Variants in SLC35F3 observed in about 807,000 individuals in gnomAD.
The protein encoded by SLC35F3 is solute carrier family 35 member F3.
A neutral mutation model predicts 49.9 loss-of-function variants in SLC35F3; 25 were observed. That is an observed-to-expected ratio of 0.50 (90% CI 0.37 to 0.70). SLC35F3 has a LOEUF of 0.70. SLC35F3 is among the 30% of genes least tolerant of loss of function. The pLI is 0.00. For synonymous variants in SLC35F3, 275 were observed against 265.4 expected (o/e 1.04, Z -0.35); for missense variants, 525 against 639.8 (o/e 0.82, Z 1.94).
At chr1:234,129,261 A>C (rs1038329192) in intron 2 of SLC35F3, among the ~76,000 whole-genome samples, 1 of 152,220 alleles carries the variant, frequency 6.6e-6, no homozygotes, top group Non-Finnish European at 1.5e-5. Context: ...ATCATCAGGG[A>C]AATACAAATT....
At chr1:233,952,155 C>A (rs1253538031) in intron 2 of SLC35F3, among the ~76,000 whole-genome samples, 4 of 151,508 alleles carry the variant, frequency 2.6e-5, no homozygotes, top group Non-Finnish European at 5.9e-5. Context: ...TTTTCTTCTA[C>A]TTCTTTCATG....
chr1:234,147,209 A>G (rs866490275), intron 2 of SLC35F3, among the ~76,000 whole-genome samples: 2 of 147,172 alleles, frequency 1.4e-5, no homozygotes, highest in East Asian at 4.1e-4. Flanking sequence ...GGGAAATTAC[A>G]TAGTTTGCCC....
intron 3 of SLC35F3, among the ~76,000 whole-genome samples, chr1:234,259,687 G>GATA (rs199933955): frequency 8.6e-5 from 13 of 150,720 alleles, no homozygotes; most frequent in Admixed American, 3.3e-4. Flanking sequence ...TAATAATAAT[G>GATA]ATAATAATAA....
At chr1:234,163,246 A>C (rs1666257606) in intron 2 of SLC35F3, among the ~76,000 whole-genome samples, 1 of 152,138 alleles carries the variant, frequency 6.6e-6, no homozygotes, top group African/African-American at 2.4e-5. Flanking sequence ...TACACCTTAG[A>C]TGTTGATGTT....
chr1:234,268,338 G>C (rs1017684273), intron 3 of SLC35F3, among the ~76,000 whole-genome samples: 1 of 83,390 alleles, frequency 1.2e-5, no homozygotes, highest in Non-Finnish European at 2.5e-5. Context: ...GCCTGCAATC[G>C]CACGCACTCG....
At chr1:234,152,277 C>G (rs1326128888) in intron 2 of SLC35F3, among the ~76,000 whole-genome samples, 1 of 149,754 alleles carries the variant, frequency 6.7e-6, no homozygotes, top group Non-Finnish European at 1.5e-5. Flanking sequence ...GATACATGTG[C>G]AGAACGTGCA....
In SLC35F3 at chr1:234,115,915, A is replaced by G. The variant is rs148994095; in HGVS notation, c.284-115502A>G. Among the ~76,000 whole-genome samples the G allele has an allele frequency of 4.0e-3, 608 of 152,246 alleles. 3 individuals are homozygous for G. Among genetic ancestry groups the G allele is most frequent in the African/African-American group, 0.014 (570 of 41,544 alleles). On this transcript the variant is annotated intron_variant, in intron 2 of 7. Coordinates refer to ENST00000366618, the MANE Select transcript of SLC35F3 (RefSeq NM_173508.4). The stretch of plus-strand genomic sequence containing the variant: ...ACCTGCAGGAACAATCTGTGATCCG[A>G]GCTTTTGACAAAAAGGGTCTGGGAA...
rs573659262 is a variant in SLC35F3, at chr1:233,948,440, G to A, written c.283+42682G>A. Among the ~76,000 whole-genome samples the A allele has an allele frequency of 1.2e-4, 18 of 152,140 alleles. No individual in the cohort carries two copies. In the South Asian group the frequency reaches 2.1e-3, roughly 18 times the overall value. On this transcript the variant is annotated intron_variant, in intron 2 of 7. Transcript: ENST00000366618. ...AATTGAGGTCAGCGTCTTCCCAAGC[G>A]AAGGGTTCAAGTGGGTACCACAACA... is the stretch of plus-strand genomic sequence containing the variant.
At chr1:234,113,527 T>C (rs1248274989) in intron 2 of SLC35F3, among the ~76,000 whole-genome samples, 1 of 152,158 alleles carries the variant, frequency 6.6e-6, no homozygotes, top group Non-Finnish European at 1.5e-5. Flanking sequence ...TAAAATGAAG[T>C]CTTTCTTGTG....
chr1:234,121,853 G>A (rs1377882976), intron 2 of SLC35F3, among the ~76,000 whole-genome samples: 1 of 152,148 alleles, frequency 6.6e-6, no homozygotes, highest in Non-Finnish European at 1.5e-5. Context: ...TCAGAATGAT[G>A]GTTTCCAGCT....
chr1:234,042,206 T>C (rs1411985396), intron 2 of SLC35F3, among the ~76,000 whole-genome samples: 4 of 152,228 alleles, frequency 2.6e-5, no homozygotes, highest in Non-Finnish European at 4.4e-5. Flanking sequence ...AATAGTCCAT[T>C]GGACCTTCCA....
intron 2 of SLC35F3, among the ~76,000 whole-genome samples, chr1:234,155,398 T>TGATGATGATGATGATGATG (rs59320767): frequency 1.7e-4 from 25 of 145,188 alleles, no homozygotes; most frequent in East Asian, 1.6e-3. Context: ...TTCACCTGAT[T>TGATGATGATGATGATGATG]ATTATTATTA....
At chr1:234,015,273 A>G (rs139461177) in intron 2 of SLC35F3, among the ~76,000 whole-genome samples, 30 of 151,640 alleles carry the variant, frequency 2.0e-4, no homozygotes, top group African/African-American at 6.1e-4. Context: ...ACTTGAACCC[A>G]GGAGGCGGAG....
chr1:234,050,353 C>G (rs1413899453), intron 2 of SLC35F3, among the ~76,000 whole-genome samples: 7 of 152,178 alleles, frequency 4.6e-5, no homozygotes, highest in African/African-American at 1.7e-4. Flanking sequence ...GATGGTATCT[C>G]ATTGTGGTTT....
intron 2 of SLC35F3, among the ~76,000 whole-genome samples, chr1:234,192,365 T>C (rs1322638361): frequency 1.1e-4 from 17 of 152,166 alleles, no homozygotes; most frequent in Non-Finnish European, 2.2e-4. Flanking sequence ...ATCATCTCAA[T>C]AGATGCAGAA....
chr1:234,060,761 T>A (rs1036514254), intron 2 of SLC35F3, among the ~76,000 whole-genome samples: 1 of 152,178 alleles, frequency 6.6e-6, no homozygotes, highest in Non-Finnish European at 1.5e-5. Flanking sequence ...CCTACTCCTA[T>A]TTATTTTTAA....
In SLC35F3 at chr1:234,103,732, A is replaced by C. The variant is rs528617547; in HGVS notation, c.284-127685A>C. On this transcript the variant is annotated intron_variant, in intron 2 of 7. Transcript: ENST00000366618. ...TTTGGTGACAGAAACACCCTCCATTAGCCCGCATTATTGTTTCCAAATATT... is the reference window on the plus strand; with the variant it reads ...TTTGGTGACAGAAACACCCTCCATTCGCCCGCATTATTGTTTCCAAATATT... Among the ~76,000 whole-genome samples the C allele has an allele frequency of 6.6e-5, 10 of 152,298 alleles. 1 individual carries two copies. The South Asian group carries it at 1.9e-3, about 28-fold the overall frequency.
At chr1:234,222,411 G>A (rs952816862) in intron 2 of SLC35F3, among the ~76,000 whole-genome samples, 3 of 152,176 alleles carry the variant, frequency 2.0e-5, no homozygotes, top group Admixed American at 1.3e-4. Flanking sequence ...GATGCATAAC[G>A]ACTCTGCTGA....
At chr1:234,232,950 C>T (rs936710957) in intron 3 of SLC35F3, among the ~76,000 whole-genome samples, 9 of 152,100 alleles carry the variant, frequency 5.9e-5, no homozygotes, top group African/African-American at 1.9e-4. Flanking sequence ...AATCAGAGCA[C>T]GAATTCTGGA....
Sources: allele counts gnomAD v4.1 joint callset (sites outside exome capture counted in the v4.1 genomes callset), GRCh38; gene constraint gnomAD v4.1.1; transcripts MANE v1.5; gene names NCBI Gene and HGNC (gene_info 2026-07-23, HGNC 2026-07-21).